Variants in CRACDL observed in about 807,000 individuals in gnomAD.
The protein encoded by CRACDL is CRACD like.
Under a neutral mutation model 70.6 loss-of-function variants are expected in CRACDL, and 26 were observed. The ratio of observed to expected loss-of-function variants is 0.37; its 90% confidence interval spans 0.27 to 0.51. The LOEUF is 0.51. CRACDL is among the 20% of genes least tolerant of loss of function. The pLI, the probability that CRACDL is intolerant of heterozygous loss-of-function variation, is 0.94. For missense variants in CRACDL, 1,283 were observed against 1,376.9 expected, an observed-to-expected ratio of 0.93 and a Z score of 1.08; for synonymous variants, 618 against 615.2, an observed-to-expected ratio of 1.00 and a Z score of -0.07.
In CRACDL at chr2:98,822,601, C is replaced by T; in HGVS notation, c.1672G>A (p.Glu558Lys). 1 of 1,409,616 alleles carries T rather than the reference C, an allele frequency of 7.1e-7. No individual in the cohort carries two copies. Among genetic ancestry groups the T allele is most frequent in the South Asian group, 1.5e-5 (1 of 67,114 alleles). The allele number at this position is 1,409,616 out of a possible 1,614,324, so 87.3% of individuals were successfully genotyped here. Reference sequence around the variant, plus strand: ...GCACCGCCCCTCTCCGCCTTCCGCTCTGGCGCCGCCCTCTCGGCGCCCGCC... The same window carrying T: ...GCACCGCCCCTCTCCGCCTTCCGCTTTGGCGCCGCCCTCTCGGCGCCCGCC... Reference protein sequence around the residue: ...PPAGAERAAPERKAERGGAEL... With the variant: ...PPAGAERAAPKRKAERGGAEL... The change falls in exon 7 of 10, where the codon GAG becomes AAG. Residue 558 changes from glutamate (E) to lysine (K), a missense_variant. Around this residue, in one of 2 missense-constraint regions of CRACDL, gnomAD observed 921 missense variants for 881.9 expected, o/e 1.04. Coordinates refer to ENST00000397899, the MANE Select transcript of CRACDL (RefSeq NM_207362.3). This position sits in a 1 kb window ranked among gnomAD's most constrained non-coding sequence, Gnocchi z 4.9.
chr2:98,804,247 G>C (rs907431864), intron 7 of CRACDL, among the ~76,000 whole-genome samples: 2 of 152,192 alleles, frequency 1.3e-5, no homozygotes, highest in African/African-American at 2.4e-5. Context: ...CTAATGACAG[G>C]AGACGGTGCT....
intron 5 of CRACDL, among the ~76,000 whole-genome samples, chr2:98,830,022 A>G (rs1240042717): frequency 1.3e-5 from 2 of 152,134 alleles, no homozygotes; most frequent in Non-Finnish European, 2.9e-5. Context: ...GTATTTGTTC[A>G]TTTGCCACCA....
At chr2:98,815,640 G>A (rs893837686) in intron 7 of CRACDL, among the ~76,000 whole-genome samples, 3 of 152,222 alleles carry the variant, frequency 2.0e-5, no homozygotes, top group Non-Finnish European at 4.4e-5. Flanking sequence ...AGTCAAAAGA[G>A]CTCTGACCCA....
chr2:98,808,979 T>C (rs1198673462), intron 7 of CRACDL, among the ~76,000 whole-genome samples: 1 of 152,180 alleles, frequency 6.6e-6, no homozygotes, highest in Non-Finnish European at 1.5e-5. Context: ...ATAAAAGCAC[T>C]GCCCGATCCT....
intron 7 of CRACDL, among the ~76,000 whole-genome samples, chr2:98,816,410 TA>T (rs1359822167): frequency 6.6e-6 from 1 of 152,228 alleles, no homozygotes; most frequent in Non-Finnish European, 1.5e-5. Context: ...GGATTGTTCA[TA>T]TAAAGATATC....
At chr2:98,910,775 C>T (rs1031344372) in intron 1 of CRACDL, among the ~76,000 whole-genome samples, 12 of 152,288 alleles carry the variant, frequency 7.9e-5, no homozygotes, top group Admixed American at 2.6e-4. Flanking sequence ...CTGGTGGCCT[C>T]GGCCAGGGTT....
intron 1 of CRACDL, among the ~76,000 whole-genome samples, chr2:98,880,392 C>G (rs747900584): frequency 1.3e-5 from 2 of 152,202 alleles, no homozygotes; most frequent in African/African-American, 2.4e-5. Flanking sequence ...CTGATATATG[C>G]TTACTCCTTA....
intron 1 of CRACDL, among the ~76,000 whole-genome samples, chr2:98,857,425 C>T (rs568158702): frequency 3.2e-4 from 49 of 152,030 alleles, no homozygotes; most frequent in African/African-American, 1.1e-3. Context: ...ACAAATAGAG[C>T]AGGGAATAAA....
rs1705076985 is a variant in CRACDL, at chr2:98,822,204, G to A, written c.2069C>T (p.Ser690Phe). The A allele has an allele frequency of 6.2e-7, 1 of 1,610,210 alleles. No individual in the cohort carries two copies. Among genetic ancestry groups the A allele is most frequent in the African/African-American group, 1.3e-5 (1 of 74,818 alleles). ...NPFPVKLRST[S>F]LSLKYRDGAS... is the part of the protein sequence containing the mutation. ...GCCATCCCTGTATTTGAGCGAGAGGGAGGTGGACCGGAGCTTGACGGGGAA... is the reference window on the plus strand; with the variant it reads ...GCCATCCCTGTATTTGAGCGAGAGGAAGGTGGACCGGAGCTTGACGGGGAA... Residue 690 changes from serine to phenylalanine, a missense_variant, in exon 7 of 10, where the codon TCC becomes TTC. This residue lies in a region of CRACDL where 921 missense variants were observed against 881.9 expected (regional missense o/e 1.04). Transcript: ENST00000397899. This position sits in a 1 kb window ranked among gnomAD's most constrained non-coding sequence, Gnocchi z 4.9.
chr2:98,910,568 T>A (rs981143918), intron 1 of CRACDL, among the ~76,000 whole-genome samples: 1 of 128,316 alleles, frequency 7.8e-6, no homozygotes, highest in African/African-American at 3.0e-5. Context: ...AAATAAATAA[T>A]GCTCCTTGTT....
chr2:98,892,456 T>C (rs914370652), intron 1 of CRACDL, among the ~76,000 whole-genome samples: 4 of 151,968 alleles, frequency 2.6e-5, no homozygotes, highest in African/African-American at 9.7e-5. Flanking sequence ...TTTAGGAGAC[T>C]GAGGTGGGCG....
At chr2:98,934,901 T>C (rs1056661071) in intron 1 of CRACDL, among the ~76,000 whole-genome samples, 4 of 152,216 alleles carry the variant, frequency 2.6e-5, no homozygotes, top group African/African-American at 7.2e-5. Context: ...TGGCACAGCA[T>C]AGGGGCAGAG....
intron 9 of CRACDL, 78 bp from the exon 10 acceptor site, chr2:98,794,749 G>A (rs1343453931): frequency 1.5e-5 from 19 of 1,260,490 alleles, no homozygotes; most frequent in Admixed American, 3.7e-5. Context: ...TGTGTTTCTC[G>A]AACTAGACAT....
At chr2:98,873,946 C>T (rs1707416135) in intron 1 of CRACDL, among the ~76,000 whole-genome samples, 2 of 152,204 alleles carry the variant, frequency 1.3e-5, no homozygotes, top group Non-Finnish European at 2.9e-5. Context: ...GCAGAGGTTG[C>T]AGTGAGCTGA....
At chr2:98,864,088 A>G (rs1431553356) in intron 1 of CRACDL, among the ~76,000 whole-genome samples, 5 of 152,252 alleles carry the variant, frequency 3.3e-5, no homozygotes, top group African/African-American at 1.2e-4. Context: ...TAAAACGTGC[A>G]CAAAAAAACC....
At chr2:98,862,840 A>G (rs1706990315) in intron 1 of CRACDL, among the ~76,000 whole-genome samples, 1 of 152,136 alleles carries the variant, frequency 6.6e-6, no homozygotes, top group African/African-American at 2.4e-5. Flanking sequence ...CCAGAAAGAG[A>G]AGAGAGAGAG....
chr2:98,848,808 G>C (rs1706363937), intron 1 of CRACDL, among the ~76,000 whole-genome samples: 1 of 152,178 alleles, frequency 6.6e-6, no homozygotes, highest in African/African-American at 2.4e-5. Flanking sequence ...GGCTGGTCTT[G>C]AACTCTTGAG....
chr2:98,890,849 T>C (rs1707946517), intron 1 of CRACDL, among the ~76,000 whole-genome samples: 1 of 151,766 alleles, frequency 6.6e-6, no homozygotes, highest in Non-Finnish European at 1.5e-5. Flanking sequence ...CTGAGGTCAG[T>C]AGTTCGAGAC....
At chr2:98,886,966 A>G (rs1707813782) in intron 1 of CRACDL, among the ~76,000 whole-genome samples, 2 of 152,208 alleles carry the variant, frequency 1.3e-5, no homozygotes, top group Admixed American at 6.5e-5. Context: ...AAGAAAACAT[A>G]TATAAAGGAG....
Sources: allele counts gnomAD v4.1 joint callset (sites outside exome capture counted in the v4.1 genomes callset), GRCh38; gene constraint gnomAD v4.1.1; regional missense constraint gnomAD v4.1.1; non-coding constraint Gnocchi (gnomAD v3.1); transcripts MANE v1.5; gene names NCBI Gene and HGNC (gene_info 2026-07-23, HGNC 2026-07-21).